The following PPP2R2B variants were observed in gnomAD, a reference collection of about 807,000 sequenced individuals.
The protein encoded by PPP2R2B is serine/threonine-protein phosphatase 2A 55 kDa regulatory subunit B beta isoform.
PPP2R2B carries 5 observed loss-of-function variants against 46.0 expected under a neutral mutation model. That is an observed-to-expected ratio of 0.11 (90% CI 0.06 to 0.23). PPP2R2B has a LOEUF of 0.23. PPP2R2B is among the 10% of genes least tolerant of loss of function. The pLI is 1.00. For synonymous variants in PPP2R2B, 215 were observed against 206.7 expected (o/e 1.04, Z -0.34); for missense variants, 367 against 575.0 (o/e 0.64, Z 3.70).
chr5:146,897,550 A>G (rs1762685913), intron 1 of PPP2R2B, among the ~76,000 whole-genome samples: 1 of 152,174 alleles, frequency 6.6e-6, no homozygotes, highest in South Asian at 2.1e-4. Flanking sequence ...TATTCATTTG[A>G]CAGTTCTACT....
At chr5:146,899,739 T>G (rs1184867781) in intron 1 of PPP2R2B, among the ~76,000 whole-genome samples, 1 of 152,122 alleles carries the variant, frequency 6.6e-6, no homozygotes, top group Non-Finnish European at 1.5e-5. Flanking sequence ...CAGGAAGAAT[T>G]AGGAAATCAA....
rs1446642551 is a variant in PPP2R2B at position 146,587,144 on chromosome 5, C to G, written c.*2803G>C. On this transcript the variant is annotated 3_prime_UTR_variant, in exon 10 of 10. Transcript: ENST00000394411. ...GCCTTCAAGTAGTTTTTAGTGTCAG[C>G]AGGAAAACAGACTGACTTCTATGTG... 6.6e-6 allele frequency: 1 copy of G among 152,200 alleles called. No individual in the cohort carries two copies. The highest frequency in any genetic ancestry group is 1.5e-5 in the Non-Finnish European group (1 of 68,040). 9.4% of individuals were successfully genotyped at this position (152,200 alleles called of 1,614,324 possible). A position where few individuals can be genotyped will look rare whatever the true frequency, so the allele number is the denominator to read the frequency against.
intron 1 of PPP2R2B, among the ~76,000 whole-genome samples, chr5:146,911,459 C>T (rs1763180090): frequency 6.6e-6 from 1 of 152,106 alleles, no homozygotes; most frequent in Admixed American, 6.5e-5. Context: ...CTCTCTATGC[C>T]ACTAGATGCT....
intron 7 of PPP2R2B, among the ~76,000 whole-genome samples, chr5:146,615,417 G>T (rs1224764849): frequency 1.1e-3 from 125 of 115,830 alleles, no homozygotes; most frequent in Non-Finnish European, 1.7e-3. Context: ...ACACGTTAGT[G>T]GGTGCAGCGC....
intron 1 of PPP2R2B, among the ~76,000 whole-genome samples, chr5:146,964,457 A>C (rs1181116927): frequency 2.0e-5 from 3 of 152,102 alleles, no homozygotes; most frequent in African/African-American, 7.2e-5. Flanking sequence ...TTTATCTTGC[A>C]GGACCAGCCC....
At chr5:146,693,580 C>G (rs1196713962) in intron 4 of PPP2R2B, among the ~76,000 whole-genome samples, 3 of 152,138 alleles carry the variant, frequency 2.0e-5, no homozygotes, top group Non-Finnish European at 2.9e-5. Context: ...ATATAGAACA[C>G]CCAGTTAAGT....
chr5:146,746,918 TG>T, intron 2 of PPP2R2B, among the ~76,000 whole-genome samples: 1 of 152,312 alleles, frequency 6.6e-6, no homozygotes, highest in East Asian at 1.9e-4. Flanking sequence ...CAAGTTCATA[TG>T]GCGAGTCCGA....
intron 2 of PPP2R2B, among the ~76,000 whole-genome samples, chr5:146,851,299 C>A (rs190657166): frequency 1.7e-3 from 258 of 152,216 alleles, no homozygotes; most frequent in Non-Finnish European, 2.9e-3. Context: ...ATTTACTGAG[C>A]ATATTTACTA....
intron 2 of PPP2R2B, among the ~76,000 whole-genome samples, chr5:147,064,493 A>G (rs1757360423): frequency 1.3e-5 from 2 of 152,200 alleles, no homozygotes; most frequent in Non-Finnish European, 2.9e-5. Context: ...TCACTGCTTT[A>G]CAGCAATACG....
chr5:146,688,238 T>A (rs531186360), intron 5 of PPP2R2B, among the ~76,000 whole-genome samples: 1 of 152,100 alleles, frequency 6.6e-6, no homozygotes, highest in South Asian at 2.1e-4. Flanking sequence ...AAATATAACA[T>A]GTCCCTCCAA....
At chr5:146,885,389 GTC>G (rs1762289638) in intron 1 of PPP2R2B, among the ~76,000 whole-genome samples, 1 of 152,148 alleles carries the variant, frequency 6.6e-6, no homozygotes, top group Admixed American at 6.5e-5. Flanking sequence ...TCACCTGGAG[GTC>G]TCTTTCCAAA....
chr5:147,041,489 T>G (rs1252444139), intron 1 of PPP2R2B, among the ~76,000 whole-genome samples: 2 of 152,106 alleles, frequency 1.3e-5, no homozygotes, highest in Admixed American at 6.5e-5. Flanking sequence ...TGGTGCTAAG[T>G]CCAGAGTTTC....
intron 7 of PPP2R2B, among the ~76,000 whole-genome samples, chr5:146,630,034 G>C (rs144986554): frequency 6.6e-6 from 1 of 152,076 alleles, no homozygotes; most frequent in Non-Finnish European, 1.5e-5. Flanking sequence ...GGCTGGTCTC[G>C]AACCTCCTGG....
chr5:147,027,203 T>C (rs1755564864), intron 1 of PPP2R2B, among the ~76,000 whole-genome samples: 2 of 152,208 alleles, frequency 1.3e-5, no homozygotes, highest in Non-Finnish European at 2.9e-5. Context: ...CAAATCCATT[T>C]ATATCAAGTT....
chr5:146,642,542 T>G (rs918835071), intron 6 of PPP2R2B, among the ~76,000 whole-genome samples: 2 of 152,186 alleles, frequency 1.3e-5, no homozygotes, highest in African/African-American at 4.8e-5. Flanking sequence ...GTTTTTGCAG[T>G]GAAATTTCCA....
At chr5:146,634,455 C>T (rs1774660446) in intron 7 of PPP2R2B, among the ~76,000 whole-genome samples, 1 of 152,190 alleles carries the variant, frequency 6.6e-6, no homozygotes, top group Non-Finnish European at 1.5e-5. Context: ...CTGCCTCAGC[C>T]TCCTGAGTAA....
At chr5:146,809,577 G>A (rs1019790850) in intron 2 of PPP2R2B, among the ~76,000 whole-genome samples, 5 of 152,154 alleles carry the variant, frequency 3.3e-5, no homozygotes, top group East Asian at 1.9e-4. Flanking sequence ...AGGAAATGAC[G>A]TATCAGCTAA....
intron 2 of PPP2R2B, among the ~76,000 whole-genome samples, chr5:147,080,781 T>C (rs1225749147): frequency 6.6e-6 from 1 of 152,102 alleles, no homozygotes; most frequent in African/African-American, 2.4e-5. Context: ...CGCTGACAGA[T>C]CATCCTGAAA....
At chr5:146,847,709 G>C (rs577091536) in intron 2 of PPP2R2B, among the ~76,000 whole-genome samples, 1 of 152,310 alleles carries the variant, frequency 6.6e-6, no homozygotes, top group African/African-American at 2.4e-5. Flanking sequence ...TTTAAGTCCT[G>C]TGTGCCAAGA....
Sources: gnomAD v4.1 joint callset for allele counts (sites outside exome capture counted in the v4.1 genomes callset) on GRCh38, gnomAD v4.1.1 for gene constraint, MANE v1.5 for transcripts, NCBI Gene and HGNC (gene_info 2026-07-23, HGNC 2026-07-21) for gene names.